KIAA1755: variants seen among roughly 807,000 people sequenced by gnomAD.
The protein encoded by KIAA1755 is KIAA1755.
A neutral mutation model predicts 91.7 loss-of-function variants in KIAA1755; 68 were observed. The observed-to-expected ratio is 0.74, with a 90% CI of 0.61 to 0.91. The LOEUF is 0.91. Among genes scored for constraint, KIAA1755 ranks in the 40% least tolerant of loss-of-function variants. The probability of loss-of-function intolerance (pLI) is 0.00; values close to 1 mark genes in which losing one functional copy is unlikely to be tolerated. For synonymous variants in KIAA1755, 610 were observed against 604.6 expected, an observed-to-expected ratio of 1.01 and a Z score of -0.13; for missense variants, 1,535 against 1,494.4, an observed-to-expected ratio of 1.03 and a Z score of -0.45.
chr20:38,233,228 T>A (rs192385588), intron 4 of KIAA1755: 1 of 152,358 alleles, frequency 6.6e-6, no homozygotes, highest in East Asian at 1.9e-4. Context: ...AATATTTTTA[T>A]AAATACTTCA....
At chr20:38,238,990 C>T (rs561130352) in intron 4 of KIAA1755, among the ~76,000 whole-genome samples, 5 of 152,264 alleles carry the variant, frequency 3.3e-5, no homozygotes, top group South Asian at 2.1e-4. Context: ...AGGATCAGCC[C>T]GAAGTTCCTG....
Position 38,242,742 on chromosome 20 carries a change from A to G in KIAA1755, c.202-813T>C, listed in dbSNP as rs547107280. The stretch of plus-strand genomic sequence containing the variant: ...TCTGACCCTGCCACTAACTTACTAG[A>G]TGGCTGTCCAGTTTTTCCTGACCCA... On this transcript the variant is annotated intron_variant, in intron 2 of 13. Transcript: ENST00000279024. 5.3e-5 allele frequency among the ~76,000 whole-genome samples: 8 copies of G among 152,342 alleles called. No individual in the cohort carries two copies. In the South Asian group the frequency reaches 1.7e-3, roughly 32 times the overall value.
chr20:38,218,022 C>T (rs1056723732), intron 12 of KIAA1755: 16 of 601,222 alleles, frequency 2.7e-5, no homozygotes, highest in Admixed American at 3.0e-5. Flanking sequence ...TTTTAAGAAA[C>T]CCTCTGGGGG....
At chr20:38,218,638 C>T (rs546544449) in intron 11 of KIAA1755, among the ~76,000 whole-genome samples, 1 of 152,234 alleles carries the variant, frequency 6.6e-6, no homozygotes. Context: ...TGAATGAAGG[C>T]ACAGGGTGGT....
chr20:38,221,985 A>G (rs965573540), intron 10 of KIAA1755, among the ~76,000 whole-genome samples: 2 of 152,164 alleles, frequency 1.3e-5, no homozygotes, highest in Non-Finnish European at 2.9e-5. Flanking sequence ...AAATGCCCAG[A>G]AGGCCTGGCT....
At chr20:38,252,035 C>T (rs1441290319) in intron 1 of KIAA1755, among the ~76,000 whole-genome samples, 2 of 152,202 alleles carry the variant, frequency 1.3e-5, no homozygotes, top group African/African-American at 4.8e-5. Context: ...TCTATGTCAT[C>T]ACTGTGGTCT....
intron 5 of KIAA1755, among the ~76,000 whole-genome samples, chr20:38,229,443 C>T (rs1265803550): frequency 6.6e-6 from 1 of 152,206 alleles, no homozygotes; most frequent in African/African-American, 2.4e-5. Context: ...GATTTCAAGT[C>T]TCTGACTTTA....
At chr20:38,247,984 T>C (rs2076186012) in intron 1 of KIAA1755, among the ~76,000 whole-genome samples, 1 of 152,070 alleles carries the variant, frequency 6.6e-6, no homozygotes, top group Admixed American at 6.6e-5. Flanking sequence ...TCCCAGCACT[T>C]TGGGAGGCTG....
At chr20:38,230,005 G>A (rs966377284) in intron 5 of KIAA1755, among the ~76,000 whole-genome samples, 2 of 152,194 alleles carry the variant, frequency 1.3e-5, no homozygotes, top group African/African-American at 4.8e-5. Context: ...GTTCCAGAGG[G>A]TTCCATCACC....
chr20:38,241,861 G>A lies in KIAA1755; in HGVS notation c.270C>T (p.Val90=), dbSNP rs1228028423. The part of the protein sequence containing the change: ...WPLCLRDEVV[V]HLAPLNPLLL... ...AGAGAGGGTTGAGGGGTGCCAAGTG[G>A]ACCACAACTTCATCCCTCAGACAGA... Residue 90 remains valine, a synonymous_variant, in exon 3 of 14, where the codon GTC becomes GTT. Transcript: ENST00000279024. 1 of 1,614,042 alleles carries A rather than the reference G, an allele frequency of 6.2e-7. No individual in the cohort carries two copies. The highest frequency in any genetic ancestry group is 1.1e-5 in the South Asian group (1 of 91,080).
At chr20:38,242,005 C>A in intron 2 of KIAA1755, 76 bp from the exon 3 acceptor site, 1 of 1,444,158 alleles carries the variant, frequency 6.9e-7, no homozygotes, top group Non-Finnish European at 9.5e-7. Flanking sequence ...CTTTCCCTCT[C>A]CCACGTGGAA....
intron 4 of KIAA1755, among the ~76,000 whole-genome samples, chr20:38,235,000 G>A (rs1423187134): frequency 6.6e-6 from 1 of 152,130 alleles, no homozygotes; most frequent in Non-Finnish European, 1.5e-5. Context: ...TGGGTAAGTC[G>A]GGGTTGCCCA....
intron 3 of KIAA1755, among the ~76,000 whole-genome samples, chr20:38,239,954 T>C (rs1185578122): frequency 6.6e-6 from 1 of 152,234 alleles, no homozygotes; most frequent in East Asian, 1.9e-4. Flanking sequence ...TGGAATGCAG[T>C]GGCATGAACA....
At position 38,225,737 on chromosome 20, in the gene KIAA1755, G is replaced by A; in HGVS notation, c.2097C>T (p.Asp699=). Residue 699 remains aspartate, a synonymous_variant, in exon 8 of 14, where the codon GAC becomes GAT. Transcript: ENST00000279024. The stretch of plus-strand genomic sequence containing the variant: ...CCAGGACTGCGGGCAGCTGGCTGGG[G>A]TCCACATGGTGGCTGAGGGCCTTCA... ...TSLKALSHHV[D]PSQLPAVLEG... is the part of the protein sequence containing the mutation. 1.2e-6 allele frequency: 2 copies of A among 1,606,022 alleles called. No individual in the cohort carries two copies. Among genetic ancestry groups the A allele is most frequent in the Non-Finnish European group, 1.7e-6 (2 of 1,176,474 alleles).
intron 8 of KIAA1755, among the ~76,000 whole-genome samples, chr20:38,223,870 G>T (rs776557790): frequency 3.9e-5 from 6 of 152,218 alleles, no homozygotes; most frequent in Non-Finnish European, 7.3e-5. Flanking sequence ...AAGTTCCCAG[G>T]TGTTGCTGAT....
chr20:38,241,800 G>T lies in KIAA1755; in HGVS notation c.331C>A (p.Pro111Thr), dbSNP rs746782843. Residue 111 changes from proline to threonine, a missense_variant, in exon 3 of 14, where the codon CCC (proline) becomes ACC (threonine). Physicochemically the swap from Pro to Thr is conservative, Grantham distance 38 (BLOSUM62 -1). Transcript: ENST00000279024. ...RQGDFYLQVE[P>T]QEEQSVCIMI... ...ATGCAGACAGACTGCTCCTCCTGGG[G>T]CTCCACTTGGAGGTAGAAGTCACCC... 2 of 1,614,186 alleles carry T rather than the reference G, an allele frequency of 1.2e-6. No individual in the cohort carries two copies. Among genetic ancestry groups the T allele is most frequent in the Non-Finnish European group, 1.7e-6 (2 of 1,180,028 alleles).
rs773106131 is a variant in KIAA1755, at chr20:38,260,535, C to T, written c.-35G>A. On this transcript the variant is annotated 5_prime_UTR_variant, in exon 1 of 14. Transcript: ENST00000279024. Reference sequence around the variant, plus strand: ...CTGCCAGCGGCGGGCGGCGCGGCTCCTCTCCTGGGCGCGGGGTCTGTGGGT... The same window carrying T: ...CTGCCAGCGGCGGGCGGCGCGGCTCTTCTCCTGGGCGCGGGGTCTGTGGGT... The T allele has an allele frequency of 6.7e-7, 1 of 1,481,628 alleles. No homozygotes were observed. Among genetic ancestry groups the T allele is most frequent in the Non-Finnish European group, 8.9e-7 (1 of 1,119,266 alleles). 91.8% of individuals were successfully genotyped at this position (1,481,628 alleles called of 1,614,324 possible).
rs2076063678 is a variant in KIAA1755 at position 38,241,478 on chromosome 20, T to C, written c.653A>G (p.His218Arg). 2 of 1,614,198 alleles carry C rather than the reference T, an allele frequency of 1.2e-6. No homozygotes were observed. The highest frequency in any genetic ancestry group is 1.3e-5 in the African/African-American group (1 of 75,048). The part of the protein sequence containing the change: ...ALDLSSPQEL[H>R]QASSPDNQVL... Reference sequence around the variant, plus strand: ...CTGGTTGTCTGGGGAGCTGGCCTGGTGCAACTCTTGAGGGCTGCTCAAATC... The same window carrying C: ...CTGGTTGTCTGGGGAGCTGGCCTGGCGCAACTCTTGAGGGCTGCTCAAATC... The change falls in exon 3 of 14, where the codon CAC becomes CGC. Residue 218 changes from histidine to arginine, a missense_variant. Physicochemically the swap from His to Arg is conservative, Grantham distance 29 (BLOSUM62 0). Coordinates refer to ENST00000279024, the MANE Select transcript of KIAA1755 (RefSeq NM_001029864.2).
At position 38,241,292 on chromosome 20, in the gene KIAA1755, C is replaced by T; in HGVS notation, c.839G>A (p.Gly280Asp). Residue 280 changes from glycine (G) to aspartate (D), a missense_variant, in exon 3 of 14, where the codon GGC becomes GAC. Physicochemically the swap from Gly to Asp is moderately conservative, Grantham distance 94. Transcript: ENST00000279024. ...DFEGDYVALL[G>D]FSQESRGESP... is the part of the protein sequence containing the mutation. The stretch of plus-strand genomic sequence containing the variant: ...CTCTCCTCTGCTCTCTTGGGAAAAG[C>T]CTAGGAGAGCCACATAGTCTCCCTC... The T allele has an allele frequency of 6.2e-7, 1 of 1,614,132 alleles. No homozygotes were observed. Among genetic ancestry groups the T allele is most frequent in the East Asian group, 2.2e-5 (1 of 44,870 alleles).
Sources: allele counts gnomAD v4.1 joint callset (sites outside exome capture counted in the v4.1 genomes callset), GRCh38; gene constraint gnomAD v4.1.1; transcripts MANE v1.5; gene names NCBI Gene and HGNC (gene_info 2026-07-23, HGNC 2026-07-21).